ENAH: variants seen among roughly 807,000 people sequenced by gnomAD.
The protein encoded by ENAH is ENAH actin regulator.
A neutral mutation model predicts 78.7 loss-of-function variants in ENAH; 23 were observed. The ratio of observed to expected loss-of-function variants is 0.29; its 90% CI spans 0.21 to 0.41. The LOEUF is 0.41. Among genes scored for constraint, ENAH ranks in the 10% least tolerant of loss-of-function variants. ENAH has a pLI of 1.00. For missense variants in ENAH, 544 were observed against 691.0 expected (o/e 0.79, Z 2.39); for synonymous variants, 226 against 241.0 (o/e 0.94, Z 0.58).
chr1:225,582,797 T>C (rs780719928), intron 1 of ENAH, among the ~76,000 whole-genome samples: 2 of 152,148 alleles, frequency 1.3e-5, no homozygotes, highest in African/African-American at 2.4e-5. Flanking sequence ...TACAGATCTG[T>C]GGGACAGTAT....
chr1:225,602,786 G>A (rs1362559940), intron 1 of ENAH, among the ~76,000 whole-genome samples: 1 of 152,046 alleles, frequency 6.6e-6, no homozygotes, highest in Non-Finnish European at 1.5e-5. Flanking sequence ...AACTGTCACT[G>A]CTGCTGATGA....
chr1:225,606,842 CAAAAAA>C (rs59168194), intron 1 of ENAH, among the ~76,000 whole-genome samples: 11 of 49,044 alleles, frequency 2.2e-4, no homozygotes, highest in Admixed American at 5.5e-4. Flanking sequence ...GACTCTGTCT[CAAAAAA>C]AAAAAAAAAA....
At chr1:225,642,810 T>C (rs978740709) in intron 1 of ENAH, among the ~76,000 whole-genome samples, 5 of 152,044 alleles carry the variant, frequency 3.3e-5, no homozygotes, top group African/African-American at 1.2e-4. Flanking sequence ...TGAACAGACA[T>C]CCACACAAAA....
intron 1 of ENAH, among the ~76,000 whole-genome samples, chr1:225,583,194 T>G (rs1391377759): frequency 6.6e-6 from 1 of 152,100 alleles, no homozygotes; most frequent in Non-Finnish European, 1.5e-5. Flanking sequence ...CTCAGCACTT[T>G]GGGAGGCTGA....
chr1:225,541,919 T>C (rs1009716878), intron 3 of ENAH, among the ~76,000 whole-genome samples: 7 of 152,172 alleles, frequency 4.6e-5, no homozygotes, highest in African/African-American at 1.7e-4. Flanking sequence ...CTTACTTTGA[T>C]TGCCCAGACT....
chr1:225,583,252 C>A (rs1240480828), intron 1 of ENAH, among the ~76,000 whole-genome samples: 1 of 151,800 alleles, frequency 6.6e-6, no homozygotes, highest in Non-Finnish European at 1.5e-5. Flanking sequence ...GCCTGGCCAA[C>A]ATGGTGAAAC....
intron 3 of ENAH, among the ~76,000 whole-genome samples, chr1:225,544,719 T>A (rs1214266887): frequency 6.6e-6 from 1 of 152,176 alleles, no homozygotes; most frequent in Non-Finnish European, 1.5e-5. Context: ...AGACAGTTAG[T>A]GAACAAGAAC....
intron 1 of ENAH, among the ~76,000 whole-genome samples, chr1:225,632,543 A>T (rs1264732620): frequency 6.6e-6 from 1 of 152,242 alleles, no homozygotes; most frequent in Non-Finnish European, 1.5e-5. Context: ...AAAGATGAAA[A>T]GACCTTTTAA....
chr1:225,535,589 A>C (rs1200395279), intron 3 of ENAH: 1 of 1,294,070 alleles, frequency 7.7e-7, no homozygotes, highest in Admixed American at 2.3e-5. Context: ...TGGTGTTAGA[A>C]GCTTCGAAGG....
intron 1 of ENAH, among the ~76,000 whole-genome samples, chr1:225,586,387 A>G (rs1269291204): frequency 6.6e-6 from 1 of 152,122 alleles, no homozygotes; most frequent in Non-Finnish European, 1.5e-5. Flanking sequence ...CTCCAGGCAC[A>G]TGGTTTCACT....
chr1:225,622,623 C>A (rs1229607594), intron 1 of ENAH, among the ~76,000 whole-genome samples: 4 of 152,086 alleles, frequency 2.6e-5, no homozygotes, highest in Non-Finnish European at 4.4e-5. Flanking sequence ...GCATGCTGTT[C>A]ATGGATGGCA....
At chr1:225,616,329 C>CT (rs1031599815) in intron 1 of ENAH, among the ~76,000 whole-genome samples, 34 of 135,788 alleles carry the variant, frequency 2.5e-4, no homozygotes, top group Middle Eastern at 7.7e-3. Flanking sequence ...TCAATAAATA[C>CT]TTAAAAAAAA....
chr1:225,574,508 A>G (rs2096778160), intron 1 of ENAH, among the ~76,000 whole-genome samples: 1 of 152,062 alleles, frequency 6.6e-6, no homozygotes, highest in South Asian at 2.1e-4. Context: ...AGGCTGAGAC[A>G]TGAGATTCGC....
In ENAH at chr1:225,585,215, CAAAAAAAAAAAAAA is replaced by C. The variant is rs58586397; in HGVS notation, c.6-17815_6-17802del. On this transcript the variant is annotated intron_variant, in intron 1 of 13. Coordinates refer to ENST00000366843, the MANE Select transcript of ENAH (RefSeq NM_018212.6). ...TGGGCGACGGAGTGATACCCTGTCTCAAAAAAAAAAAAAAAAAAAAAAAAAAAAAAAACAGAGAA... is the reference window on the plus strand; with the variant it reads ...TGGGCGACGGAGTGATACCCTGTCTCAAAAAAAAAAAAAAAAAACAGAGAA... Among the ~76,000 whole-genome samples the C allele has an allele frequency of 2.2e-4, 11 of 49,932 alleles. No individual in the cohort carries two copies. In the East Asian group the frequency reaches 2.8e-3, roughly 13 times the overall value. The allele number at this position is 49,932 out of a possible 152,430, so 32.8% of individuals were successfully genotyped here. A position where few individuals can be genotyped will look rare whatever the true frequency, so the allele number is the denominator to read the frequency against.
At position 225,497,695 on chromosome 1, in the gene ENAH, G is replaced by A; in HGVS notation, c.*80C>T. The A allele has an allele frequency of 1.4e-6, 2 of 1,394,738 alleles. No individual in the cohort carries two copies. Among genetic ancestry groups the A allele is most frequent in the East Asian group, 2.3e-5 (1 of 43,360 alleles). 86.4% of individuals were successfully genotyped at this position (1,394,738 alleles called of 1,614,324 possible). A position where few individuals can be genotyped will look rare whatever the true frequency, so the allele number is the denominator to read the frequency against. On this transcript the variant is annotated 3_prime_UTR_variant, in exon 14 of 14. Coordinates refer to ENST00000366843, the MANE Select transcript of ENAH (RefSeq NM_018212.6). ...TCTTCTTACAGCTCATAAATGTAGG[G>A]GTTTGCTGTTGTGAACAGTTGTTGT...
At chr1:225,541,366 C>T (rs773102215) in intron 3 of ENAH, among the ~76,000 whole-genome samples, 2 of 151,890 alleles carry the variant, frequency 1.3e-5, no homozygotes, top group Non-Finnish European at 2.9e-5. Context: ...ACCCGGGAGG[C>T]GGAGGTTGCA....
intron 1 of ENAH, among the ~76,000 whole-genome samples, chr1:225,627,362 C>A (rs1396683987): frequency 6.6e-6 from 1 of 152,080 alleles, no homozygotes; most frequent in Non-Finnish European, 1.5e-5. Context: ...TAGGAATAAG[C>A]AGCACACAGG....
At chr1:225,573,357 T>C (rs762820235) in intron 1 of ENAH, among the ~76,000 whole-genome samples, 4 of 152,310 alleles carry the variant, frequency 2.6e-5, no homozygotes, top group Non-Finnish European at 5.9e-5. Flanking sequence ...CTCTTATTAA[T>C]TCTCTCTGTG....
chr1:225,646,768 G>A (rs893895803), intron 1 of ENAH, among the ~76,000 whole-genome samples: 1 of 151,014 alleles, frequency 6.6e-6, no homozygotes, highest in Admixed American at 6.6e-5. Context: ...CAGCCTGGGC[G>A]ACACAGTGAG....
Sources: gnomAD v4.1 joint callset for allele counts (sites outside exome capture counted in the v4.1 genomes callset) on GRCh38, gnomAD v4.1.1 for gene constraint, MANE v1.5 for transcripts, NCBI Gene and HGNC (gene_info 2026-07-23, HGNC 2026-07-21) for gene names.